Variants in RPTOR observed in about 807,000 individuals in gnomAD.
RPTOR encodes regulatory associated protein of MTOR complex 1.
A neutral mutation model predicts 169.9 loss-of-function variants in RPTOR; 21 were observed. The ratio of observed to expected loss-of-function variants is 0.12; its 90% CI spans 0.09 to 0.18. RPTOR has a LOEUF of 0.18. Ranked by LOEUF, RPTOR falls within the 10% of genes least tolerant of loss-of-function variation. The pLI is 1.00. For synonymous variants in RPTOR, 732 were observed against 753.2 expected (o/e 0.97, Z 0.46); for missense variants, 1,133 against 1,855.9 (o/e 0.61, Z 7.16).
rs893035884 is a variant in RPTOR at position 80,965,625 on chromosome 17, G to T, written c.*1295G>T. 1 of 233,362 alleles carries T rather than the reference G, an allele frequency of 4.3e-6. No individual in the cohort carries two copies. Among genetic ancestry groups the T allele is most frequent in the Non-Finnish European group, 8.5e-6 (1 of 118,082 alleles). 14.5% of individuals were successfully genotyped at this position (233,362 alleles called of 1,614,324 possible). On this transcript the variant is annotated 3_prime_UTR_variant, in exon 34 of 34. Transcript: ENST00000306801. ...CGGTGAGAGGCCCACGACCACGGGA[G>T]TGAGAGCTGGTGTGGCGAGGCCCGG...
chr17:80,565,200 A>T lies in RPTOR; in HGVS notation c.162+19409A>T, dbSNP rs536155652. On this transcript the variant is annotated intron_variant, in intron 1 of 33. Transcript: ENST00000306801. ...TATCTTGAAAGTTTTGTAGAAAAACACCTACAGTCCTTACCCTTGAGACTT... is the reference window on the plus strand; with the variant it reads ...TATCTTGAAAGTTTTGTAGAAAAACTCCTACAGTCCTTACCCTTGAGACTT... 2.6e-5 allele frequency among the ~76,000 whole-genome samples: 4 copies of T among 152,324 alleles called. No individual in the cohort carries two copies. The South Asian group carries it at 8.3e-4, about 32-fold the overall frequency.
In RPTOR at chr17:80,562,378, C is replaced by T. The variant is rs920600123; in HGVS notation, c.162+16587C>T. 2.0e-5 allele frequency among the ~76,000 whole-genome samples: 3 copies of T among 152,286 alleles called. No homozygotes were observed. Among genetic ancestry groups the T allele is most frequent in the African/African-American group, 7.2e-5 (3 of 41,550 alleles). On this transcript the variant is annotated intron_variant, in intron 1 of 33. Coordinates refer to ENST00000306801, the MANE Select transcript of RPTOR (RefSeq NM_020761.3). The surrounding 1 kb of genome is among the most constrained non-coding windows in gnomAD (Gnocchi z 4.4). ...GTGTGGCCTTCGTTTACCCCTGCTTCCCCTCACTCCCCTGCTTGGGGGCTG... is the reference window on the plus strand; with the variant it reads ...GTGTGGCCTTCGTTTACCCCTGCTTTCCCTCACTCCCCTGCTTGGGGGCTG...
intron 7 of RPTOR, among the ~76,000 whole-genome samples, chr17:80,808,299 C>T (rs2067239625): frequency 6.6e-6 from 1 of 152,066 alleles, no homozygotes; most frequent in Non-Finnish European, 1.5e-5. Context: ...GTGACATGCC[C>T]CTGTAGTCCC....
intron 3 of RPTOR, among the ~76,000 whole-genome samples, chr17:80,673,914 A>G (rs531862417): frequency 6.6e-6 from 1 of 152,350 alleles, no homozygotes; most frequent in African/African-American, 2.4e-5. Flanking sequence ...AGTCCTCTTC[A>G]CTTAGGGCAT....
intron 13 of RPTOR, among the ~76,000 whole-genome samples, chr17:80,864,831 C>T (rs2067968412): frequency 6.6e-6 from 1 of 151,890 alleles, no homozygotes; most frequent in Non-Finnish European, 1.5e-5. Flanking sequence ...TTCAATAAGC[C>T]TTTTGCACTC....
chr17:80,915,315 G>A (rs1279408508), intron 21 of RPTOR, among the ~76,000 whole-genome samples: 1 of 103,608 alleles, frequency 9.7e-6, no homozygotes, highest in African/African-American at 3.7e-5. Flanking sequence ...CTGAGCAGAC[G>A]TCAGGAAAAC....
Position 80,823,896 on chromosome 17 carries a change from G to T in RPTOR, c.1136+673G>T, listed in dbSNP as rs994266255. On this transcript the variant is annotated intron_variant, in intron 9 of 33. Transcript: ENST00000306801. This position sits in a 1 kb window ranked among gnomAD's most constrained non-coding sequence, Gnocchi z 4.5. ...ATTCTAAAATGGTATTAAAACAAAG[G>T]AAAAATATTTCTGTTCATCAATGGG... Among the ~76,000 whole-genome samples the T allele has an allele frequency of 1.3e-5, 2 of 152,198 alleles. No individual in the cohort carries two copies. The highest frequency in any genetic ancestry group is 4.8e-5 in the African/African-American group (2 of 41,454).
chr17:80,608,870 A>G (rs1168208545), intron 1 of RPTOR, among the ~76,000 whole-genome samples: 1 of 152,222 alleles, frequency 6.6e-6, no homozygotes, highest in East Asian at 1.9e-4. Context: ...TGGAACCGCT[A>G]TAGTCTGCAG....
chr17:80,545,855 C>G (rs1460820108), intron 1 of RPTOR, 64 bp downstream of exon 1: 2 of 1,390,484 alleles, frequency 1.4e-6, no homozygotes, highest in Non-Finnish European at 1.9e-6. Context: ...AGTTTACAGC[C>G]CGAAAAGTGT....
chr17:80,905,048 G>A (rs945919031), intron 20 of RPTOR, among the ~76,000 whole-genome samples: 4 of 152,162 alleles, frequency 2.6e-5, no homozygotes, highest in South Asian at 2.1e-4. Context: ...GGCCCACGAC[G>A]CTCAGTCCTG....
Position 80,957,747 on chromosome 17 carries a change from C to T in RPTOR, c.3477+17C>T. 1 of 1,608,752 alleles carries T rather than the reference C, an allele frequency of 6.2e-7. No homozygotes were observed. The highest frequency in any genetic ancestry group is 8.5e-7 in the Non-Finnish European group (1 of 1,175,476). ...AAGGTGCAGGTAACCATGCAGGTGTCCCCCAAGCCCTGGGCCTGTGGGGCA... is the reference window on the plus strand; with the variant it reads ...AAGGTGCAGGTAACCATGCAGGTGTTCCCCAAGCCCTGGGCCTGTGGGGCA... On this transcript the variant is annotated intron_variant, in intron 29 of 33. Transcript: ENST00000306801. This position sits in a 1 kb window ranked among gnomAD's most constrained non-coding sequence, Gnocchi z 4.6.
At chr17:80,739,537 C>T (rs1476407735) in intron 5 of RPTOR, among the ~76,000 whole-genome samples, 1 of 152,140 alleles carries the variant, frequency 6.6e-6, no homozygotes, top group Non-Finnish European at 1.5e-5. Flanking sequence ...ACTTTTCCAG[C>T]GTCCATGCGG....
chr17:80,574,158 CTTTTTTTT>C (rs554064785), intron 1 of RPTOR, among the ~76,000 whole-genome samples: 1 of 129,318 alleles, frequency 7.7e-6, no homozygotes, highest in Non-Finnish European at 1.6e-5. Flanking sequence ...TTTCTTTTTT[CTTTTTTTT>C]TTTTTTTTTG....
In RPTOR at chr17:80,875,995, A is replaced by G. The variant is rs71373044; in HGVS notation, c.1510-4420A>G. On this transcript the variant is annotated intron_variant, in intron 13 of 33. Coordinates refer to ENST00000306801, the MANE Select transcript of RPTOR (RefSeq NM_020761.3). The stretch of plus-strand genomic sequence containing the variant: ...CCATGCCACGCAGGGTGTGTGTGTC[A>G]CCTGCCAGGTCTTCCACCGAGCCCG... 8.2e-5 allele frequency among the ~76,000 whole-genome samples: 2 copies of G among 24,312 alleles called. 1 individual carries two copies. The highest frequency in any genetic ancestry group is 2.4e-3 in the East Asian group (2 of 836). The allele number at this position is 24,312 out of a possible 152,430, so 15.9% of individuals were successfully genotyped here. A position where few individuals can be genotyped will look rare whatever the true frequency, so the allele number is the denominator to read the frequency against.
In RPTOR at chr17:80,707,779, G is replaced by T. The variant is rs149336456; in HGVS notation, c.349-62G>T. ...TGCAAACCCAGAGGAAAGGGTAGGG[G>T]ATGAGTTCCAAGCATTCCCTGGAGT... On this transcript the variant is annotated intron_variant, in intron 3 of 33. Coordinates refer to ENST00000306801, the MANE Select transcript of RPTOR (RefSeq NM_020761.3). The surrounding 1 kb of genome is among the most constrained non-coding windows in gnomAD (Gnocchi z 5.0). 3 of 1,512,118 alleles carry T rather than the reference G, an allele frequency of 2.0e-6. No homozygotes were observed. Among genetic ancestry groups the T allele is most frequent in the Non-Finnish European group, 2.7e-6 (3 of 1,102,602 alleles). 93.7% of individuals were successfully genotyped at this position (1,512,118 alleles called of 1,614,324 possible).
intron 7 of RPTOR, chr17:80,802,957 C>G (rs571996703): frequency 1.3e-5 from 2 of 152,622 alleles, no homozygotes; most frequent in East Asian, 3.8e-4. Context: ...TCCGTCCAGT[C>G]TGCCATTTCT....
At chr17:80,743,566 G>A in intron 5 of RPTOR, 1 of 489,760 alleles carries the variant, frequency 2.0e-6, no homozygotes, top group Non-Finnish European at 2.7e-6. Context: ...GCCTGCGTGG[G>A]CTAGAAATCA....
At chr17:80,600,664 C>G (rs1183844482) in intron 1 of RPTOR, among the ~76,000 whole-genome samples, 1 of 152,112 alleles carries the variant, frequency 6.6e-6, no homozygotes, top group Non-Finnish European at 1.5e-5. Flanking sequence ...TTCCTGCACA[C>G]AGGCTTCTCA....
intron 7 of RPTOR, among the ~76,000 whole-genome samples, chr17:80,792,111 C>T (rs2067054891): frequency 6.6e-6 from 1 of 152,136 alleles, no homozygotes; most frequent in African/African-American, 2.4e-5. Context: ...GGACCCGGAG[C>T]GTGGCCTGCA....
Sources: gnomAD v4.1 joint callset for allele counts (sites outside exome capture counted in the v4.1 genomes callset) on GRCh38, gnomAD v4.1.1 for gene constraint, Gnocchi (gnomAD v3.1) non-coding constraint, MANE v1.5 for transcripts, NCBI Gene and HGNC (gene_info 2026-07-23, HGNC 2026-07-21) for gene names.